ASIC2: variants seen among roughly 807,000 people sequenced by gnomAD.
The protein encoded by ASIC2 is acid sensing ion channel subunit 2.
Under a neutral mutation model 57.3 loss-of-function variants are expected in ASIC2, and 25 were observed. The ratio of observed to expected loss-of-function variants is 0.44; its 90% confidence interval spans 0.32 to 0.61. The LOEUF is 0.61. Ranked by LOEUF, ASIC2 falls within the 20% of genes least tolerant of loss-of-function variation. The pLI, the probability that ASIC2 is intolerant of heterozygous loss-of-function variation, is 0.06. For synonymous variants in ASIC2, 319 were observed against 307.5 expected (o/e 1.04, Z -0.39); for missense variants, 641 against 738.1 (o/e 0.87, Z 1.52).
chr17:33,471,197 G>T (rs555796771), intron 1 of ASIC2, among the ~76,000 whole-genome samples: 1 of 152,190 alleles, frequency 6.6e-6, no homozygotes, highest in Non-Finnish European at 1.5e-5. Context: ...AAAAAATATT[G>T]CTCACAGGAG....
intron 1 of ASIC2, among the ~76,000 whole-genome samples, chr17:33,142,030 T>A (rs1904335165): frequency 6.6e-6 from 1 of 152,228 alleles, no homozygotes; most frequent in African/African-American, 2.4e-5. Flanking sequence ...TAAGATTATT[T>A]TATAAATATC....
At chr17:33,371,332 G>A (rs899590530) in intron 1 of ASIC2, among the ~76,000 whole-genome samples, 2 of 152,160 alleles carry the variant, frequency 1.3e-5, no homozygotes, top group Non-Finnish European at 2.9e-5. Context: ...AGATGGAGTC[G>A]CTCTGGTTCA....
At chr17:33,320,084 A>G (rs916889370) in intron 1 of ASIC2, among the ~76,000 whole-genome samples, 2 of 152,188 alleles carry the variant, frequency 1.3e-5, no homozygotes, top group African/African-American at 2.4e-5. Context: ...AGTAAAAAGC[A>G]GGAGTTAATA....
At chr17:33,961,191 A>C (rs1168119814) in intron 1 of ASIC2, among the ~76,000 whole-genome samples, 1 of 152,220 alleles carries the variant, frequency 6.6e-6, no homozygotes, top group Non-Finnish European at 1.5e-5. Flanking sequence ...AAAGCTAGAA[A>C]AAGAATCTTT....
intron 1 of ASIC2, among the ~76,000 whole-genome samples, chr17:34,128,914 C>T (rs1217972027): frequency 6.6e-6 from 1 of 152,062 alleles, no homozygotes; most frequent in East Asian, 1.9e-4. Context: ...ATTTAATCCA[C>T]CTGTGGTTGG....
intron 1 of ASIC2, among the ~76,000 whole-genome samples, chr17:33,996,665 A>G (rs1477519728): frequency 6.6e-6 from 1 of 152,202 alleles, no homozygotes; most frequent in African/African-American, 2.4e-5. Flanking sequence ...TTAATTGATA[A>G]AAAATGCAGA....
intron 1 of ASIC2, among the ~76,000 whole-genome samples, chr17:33,938,071 AGC>A (rs1227338528): frequency 1.3e-5 from 2 of 152,220 alleles, no homozygotes; most frequent in African/African-American, 4.8e-5. Context: ...GTTTGAATAG[AGC>A]CCCAGGGCAG....
At chr17:33,167,059 C>A (rs1378906694) in intron 1 of ASIC2, among the ~76,000 whole-genome samples, 1 of 152,166 alleles carries the variant, frequency 6.6e-6, no homozygotes, top group Non-Finnish European at 1.5e-5. Flanking sequence ...AAAGTGCCCC[C>A]TACAGAGCTT....
chr17:33,157,341 G>A (rs1905033196), intron 1 of ASIC2, among the ~76,000 whole-genome samples: 1 of 152,148 alleles, frequency 6.6e-6, no homozygotes, highest in Non-Finnish European at 1.5e-5. Context: ...CAACCCTGTA[G>A]GATAGGCACC....
intron 1 of ASIC2, among the ~76,000 whole-genome samples, chr17:33,768,005 T>C (rs963315611): frequency 1.2e-4 from 18 of 150,462 alleles, no homozygotes; most frequent in African/African-American, 4.5e-4. Context: ...AAAAGTTACA[T>C]ACACAATTTT....
intron 1 of ASIC2, among the ~76,000 whole-genome samples, chr17:34,021,838 T>TA (rs1907172119): frequency 1.4e-5 from 1 of 69,812 alleles, no homozygotes. Context: ...TTTTGTTTTG[T>TA]TTTTTTTTTT....
chr17:33,013,976 T>A lies in ASIC2; in HGVS notation c.1681A>T (p.Ile561Phe), dbSNP rs1179382107. Residue 561 changes from isoleucine to phenylalanine, a missense_variant, in exon 10 of 10, where the codon ATT (isoleucine) becomes TTT (phenylalanine). This residue lies in a region of ASIC2 where 252 missense variants were observed against 319.8 expected (regional missense o/e 0.79). Coordinates refer to ENST00000225823, the MANE Select transcript of ASIC2 (RefSeq NM_183377.2). ...TGACTCGAGGGGTGTCAGCAGGCAA[T>A]CTCCTCCAAGGTCCCCAGGGTCGTC... ...LQTTLGTLEEIAC is the reference protein window; with the variant it reads ...LQTTLGTLEEFAC 4.4e-6 allele frequency: 7 copies of A among 1,593,484 alleles called. No individual in the cohort carries two copies. The highest frequency in any genetic ancestry group is 1.3e-5 in the African/African-American group (1 of 74,496).
At chr17:33,402,688 T>C (rs1371506586) in intron 1 of ASIC2, among the ~76,000 whole-genome samples, 1 of 152,218 alleles carries the variant, frequency 6.6e-6, no homozygotes, top group Non-Finnish European at 1.5e-5. Flanking sequence ...AGTCTATCAT[T>C]GATGGGCTTT....
intron 1 of ASIC2, among the ~76,000 whole-genome samples, chr17:33,383,732 G>T (rs1216073612): frequency 6.6e-6 from 1 of 152,190 alleles, no homozygotes; most frequent in South Asian, 2.1e-4. Flanking sequence ...ATGAGCTTTT[G>T]CTCATCACAT....
intron 1 of ASIC2, among the ~76,000 whole-genome samples, chr17:34,030,331 T>C (rs1907547212): frequency 6.6e-6 from 1 of 152,210 alleles, no homozygotes; most frequent in Non-Finnish European, 1.5e-5. Context: ...TTCGAAATTT[T>C]TGAGGGCCTA....
chr17:33,746,089 T>A (rs1910250328), intron 1 of ASIC2, among the ~76,000 whole-genome samples: 1 of 151,794 alleles, frequency 6.6e-6, no homozygotes, highest in African/African-American at 2.4e-5. Context: ...CAGATGGTAA[T>A]TTGAATTCAC....
At chr17:33,027,462 C>T (rs1392958105) in intron 4 of ASIC2, among the ~76,000 whole-genome samples, 1 of 152,230 alleles carries the variant, frequency 6.6e-6, no homozygotes, top group Non-Finnish European at 1.5e-5. Flanking sequence ...GTCAGCATGA[C>T]TTTTGGTTCC....
chr17:34,032,628 C>T (rs1210542101), intron 1 of ASIC2, among the ~76,000 whole-genome samples: 1 of 152,182 alleles, frequency 6.6e-6, no homozygotes, highest in Non-Finnish European at 1.5e-5. Context: ...ATCTCACATG[C>T]AGAGACACAC....
At chr17:33,066,963 T>A (rs139201520) in intron 3 of ASIC2, among the ~76,000 whole-genome samples, 68 of 152,166 alleles carry the variant, frequency 4.5e-4, no homozygotes, top group African/African-American at 1.5e-3. Flanking sequence ...GGCAGGAGCC[T>A]GGGGAGTCTG....
Sources: allele counts gnomAD v4.1 joint callset (sites outside exome capture counted in the v4.1 genomes callset), GRCh38; gene constraint gnomAD v4.1.1; regional missense constraint gnomAD v4.1.1; transcripts MANE v1.5; gene names NCBI Gene and HGNC (gene_info 2026-07-23, HGNC 2026-07-21).